The following SHISA9 variants were observed in gnomAD, a reference collection of about 807,000 sequenced individuals.
SHISA9 encodes the protein shisa family member 9, also known as protein shisa-9.
Under a neutral mutation model 38.0 loss-of-function variants are expected in SHISA9, and 13 were observed. That is an observed-to-expected ratio of 0.34 (90% CI 0.22 to 0.54). The LOEUF is 0.54. Ranked by LOEUF, SHISA9 falls within the 20% of genes least tolerant of loss-of-function variation. The pLI is 0.91. For synonymous variants in SHISA9, 275 were observed against 242.0 expected (o/e 1.14, Z -1.27); for missense variants, 538 against 575.8 (o/e 0.93, Z 0.67).
chr16:13,149,628 A>G (rs1176711664), intron 2 of SHISA9, among the ~76,000 whole-genome samples: 2 of 152,014 alleles, frequency 1.3e-5, no homozygotes, highest in African/African-American at 4.8e-5. Flanking sequence ...CTGACATTCA[A>G]AGAGATAGTC....
the SHISA9 span, among the ~76,000 whole-genome samples, chr16:13,285,042 G>A: frequency 4.6e-5 from 7 of 151,976 alleles, no homozygotes; most frequent in African/African-American, 1.5e-4. Context: ...GTCCCAGGCC[G>A]GTTTTTGGTA....
At chr16:13,507,074 T>C in the SHISA9 span, among the ~76,000 whole-genome samples, 1 of 151,940 alleles carries the variant, frequency 6.6e-6, no homozygotes, top group Admixed American at 6.6e-5. Flanking sequence ...ACCATGTATA[T>C]ATATATATAT....
chr16:13,380,348 G>A, the SHISA9 span, among the ~76,000 whole-genome samples: 14 of 152,250 alleles, frequency 9.2e-5, no homozygotes, highest in African/African-American at 3.4e-4. Context: ...AAGAAGGGGG[G>A]AAAGAGAAAA....
chr16:13,389,293 G>GA, the SHISA9 span, among the ~76,000 whole-genome samples: 1 of 152,136 alleles, frequency 6.6e-6, no homozygotes, highest in East Asian at 1.9e-4. Flanking sequence ...ACCTTTCCCA[G>GA]AATTGTCATT....
At chr16:13,142,307 A>C (rs1180938719) in intron 2 of SHISA9, among the ~76,000 whole-genome samples, 1 of 152,208 alleles carries the variant, frequency 6.6e-6, no homozygotes, top group Non-Finnish European at 1.5e-5. Context: ...GATCAGTAAT[A>C]GCCCACGTGT....
At chr16:13,136,216 G>A (rs1001123473) in intron 2 of SHISA9, among the ~76,000 whole-genome samples, 6 of 152,026 alleles carry the variant, frequency 3.9e-5, no homozygotes, top group African/African-American at 1.5e-4. Context: ...CAGTGGGCAA[G>A]TCACTTAACT....
chr16:13,235,712 G>A lies in SHISA9; in HGVS notation c.*303G>A, dbSNP rs1433260114. 2.9e-5 allele frequency: 10 copies of A among 344,892 alleles called. No individual in the cohort carries two copies. Among genetic ancestry groups the A allele is most frequent in the Non-Finnish European group, 4.2e-5 (8 of 191,488 alleles). 21.4% of individuals were successfully genotyped at this position (344,892 alleles called of 1,614,324 possible). A position where few individuals can be genotyped will look rare whatever the true frequency, so the allele number is the denominator to read the frequency against. ...GCCAACTCACATGCCCAAACCGTGG[G>A]GCTGAGTTTTCTTTTCCTCCTAACT... On this transcript the variant is annotated 3_prime_UTR_variant, in exon 5 of 5. Coordinates refer to ENST00000558583, the MANE Select transcript of SHISA9 (RefSeq NM_001145204.3).
chr16:13,030,509 G>A (rs550128298), intron 2 of SHISA9, among the ~76,000 whole-genome samples: 173 of 152,112 alleles, frequency 1.1e-3, no homozygotes, highest in Admixed American at 1.5e-3. Flanking sequence ...TAACTTCCCC[G>A]TTCCCCTTTT....
At chr16:13,336,481 T>C in the SHISA9 span, among the ~76,000 whole-genome samples, 1 of 152,236 alleles carries the variant, frequency 6.6e-6, no homozygotes, top group Non-Finnish European at 1.5e-5. Context: ...AGTGAATCAT[T>C]CTGATCCCAG....
chr16:13,396,013 A>G, the SHISA9 span, among the ~76,000 whole-genome samples: 1 of 152,368 alleles, frequency 6.6e-6, no homozygotes, highest in South Asian at 2.1e-4. Flanking sequence ...CTGAAATGTA[A>G]CACTATGACA....
the SHISA9 span, among the ~76,000 whole-genome samples, chr16:13,245,566 A>G: frequency 5.9e-5 from 9 of 152,330 alleles, no homozygotes; most frequent in African/African-American, 2.2e-4. Flanking sequence ...ATTCTTTCAG[A>G]TGATTCCTAT....
chr16:13,017,003 CTTTT>C (rs1489140710), intron 2 of SHISA9, among the ~76,000 whole-genome samples: 1 of 151,116 alleles, frequency 6.6e-6, no homozygotes. Context: ...TCTTCTTCTT[CTTTT>C]TTGTTTCTTT....
At chr16:12,951,752 C>T (rs902699559) in intron 2 of SHISA9, among the ~76,000 whole-genome samples, 1 of 152,146 alleles carries the variant, frequency 6.6e-6, no homozygotes, top group African/African-American at 2.4e-5. Flanking sequence ...TTCTTCCCTG[C>T]CTTCACCACT....
At chr16:13,051,839 A>G (rs866782103) in intron 2 of SHISA9, among the ~76,000 whole-genome samples, 49 of 151,750 alleles carry the variant, frequency 3.2e-4, no homozygotes, top group African/African-American at 1.0e-3. Context: ...ATCTCAGCTC[A>G]CTGCAACCTC....
chr16:13,452,828 C>G, the SHISA9 span, among the ~76,000 whole-genome samples: 2 of 151,648 alleles, frequency 1.3e-5, no homozygotes, highest in African/African-American at 4.8e-5. Flanking sequence ...TCTGCTTGAG[C>G]TGGTTTGCCC....
chr16:12,974,671 C>T (rs768766899), intron 2 of SHISA9, among the ~76,000 whole-genome samples: 2 of 151,464 alleles, frequency 1.3e-5, no homozygotes, highest in East Asian at 1.9e-4. Context: ...ATTAGTAGAG[C>T]GGGGTTTTGC....
the SHISA9 span, among the ~76,000 whole-genome samples, chr16:13,488,106 G>T: frequency 1.3e-5 from 2 of 152,044 alleles, no homozygotes; most frequent in South Asian, 4.2e-4. Context: ...CACCAGGGGG[G>T]TTTGTTAGCC....
the SHISA9 span, among the ~76,000 whole-genome samples, chr16:13,444,516 T>C: frequency 6.6e-6 from 1 of 152,304 alleles, no homozygotes; most frequent in Admixed American, 6.5e-5. Flanking sequence ...GGAAATATTT[T>C]CATTTTTCCA....
chr16:13,240,784 G>A (rs534981184), downstream of SHISA9, among the ~76,000 whole-genome samples: 2 of 152,256 alleles, frequency 1.3e-5, no homozygotes, highest in African/African-American at 4.8e-5. Flanking sequence ...AATATTGAAA[G>A]GATGGAAGAT....
Sources: gnomAD v4.1 joint callset for allele counts (sites outside exome capture counted in the v4.1 genomes callset) on GRCh38, gnomAD v4.1.1 for gene constraint, MANE v1.5 for transcripts, NCBI Gene and HGNC (gene_info 2026-07-23, HGNC 2026-07-21) for gene names.